WWOX: variants seen among roughly 807,000 people sequenced by gnomAD.
The protein encoded by WWOX is WW domain-containing oxidoreductase.
In WWOX, 69 loss-of-function variants were observed where a neutral mutation model predicts 46.2. The observed-to-expected ratio is 1.49, with a 90% CI of 1.23 to 1.82. WWOX has a LOEUF of 1.82. Ranked by LOEUF, WWOX falls within the 40% of genes most tolerant of loss-of-function variation. WWOX has a pLI of 0.00. For missense variants in WWOX, 919 were observed against 542.6 expected (o/e 1.69, Z -6.89); for synonymous variants, 359 against 202.6 (o/e 1.77, Z -6.56).
intron 8 of WWOX, among the ~76,000 whole-genome samples, chr16:79,012,720 G>A (rs115936887): frequency 1.2e-3 from 184 of 152,314 alleles, no homozygotes; most frequent in African/African-American, 4.3e-3. Context: ...CACAAAGCAG[G>A]ACGTATACGT....
At chr16:78,789,544 T>C (rs1597612791) in intron 8 of WWOX, among the ~76,000 whole-genome samples, 1 of 152,212 alleles carries the variant, frequency 6.6e-6, no homozygotes, top group Admixed American at 6.5e-5. Context: ...TTGTTTTGGT[T>C]ACTGTACTCT....
At chr16:78,996,149 TA>T in intron 8 of WWOX, 7 of 888,118 alleles carry the variant, frequency 7.9e-6, no homozygotes, top group Non-Finnish European at 9.3e-6. Flanking sequence ...TTCTTTTTTT[TA>T]ATTTTTTTTT....
intron 8 of WWOX, among the ~76,000 whole-genome samples, chr16:78,474,000 A>G (rs2084297082): frequency 6.6e-6 from 1 of 152,180 alleles, no homozygotes; most frequent in Non-Finnish European, 1.5e-5. Context: ...TCATAAAGTT[A>G]CCTATCAGGA....
chr16:78,939,729 T>C (rs943462650), intron 8 of WWOX, among the ~76,000 whole-genome samples: 1 of 152,122 alleles, frequency 6.6e-6, no homozygotes, highest in South Asian at 2.1e-4. Flanking sequence ...CTGGGAAAAA[T>C]CCCCATTTCT....
chr16:79,024,803 C>T lies in WWOX; in HGVS notation c.1057-186805C>T, dbSNP rs145848447. On this transcript the variant is annotated intron_variant, in intron 8 of 8. Coordinates refer to ENST00000566780, the MANE Select transcript of WWOX (RefSeq NM_016373.4). ...TCCAAGCTGATCTCAAAATCCTGGC[C>T]TCAAGCAATCCTCTCCTCTGCCTCA... Among the ~76,000 whole-genome samples the T allele has an allele frequency of 1.2e-4, 19 of 152,252 alleles. No individual in the cohort carries two copies. In the East Asian group the frequency reaches 3.7e-3, roughly 29 times the overall value.
intron 8 of WWOX, among the ~76,000 whole-genome samples, chr16:78,916,840 C>G (rs138348267): frequency 0.012 from 1,900 of 152,270 alleles, 36 homozygotes; most frequent in African/African-American, 0.044. Flanking sequence ...GTGTTAAACC[C>G]TTTCGATAGC....
At chr16:78,883,144 T>C (rs1407786097) in intron 8 of WWOX, among the ~76,000 whole-genome samples, 1 of 152,182 alleles carries the variant, frequency 6.6e-6, no homozygotes, top group Non-Finnish European at 1.5e-5. Context: ...CCACCACACA[T>C]GCCTAGGCAC....
chr16:78,674,379 A>G (rs1238351999), intron 8 of WWOX, among the ~76,000 whole-genome samples: 1 of 151,412 alleles, frequency 6.6e-6, no homozygotes, highest in African/African-American at 2.4e-5. Flanking sequence ...CTCCCTTCCA[A>G]GTTCAAGCAA....
intron 8 of WWOX, among the ~76,000 whole-genome samples, chr16:78,533,804 C>G (rs372089657): frequency 6.6e-6 from 1 of 152,296 alleles, no homozygotes; most frequent in East Asian, 1.9e-4. Flanking sequence ...GTCCTCAGAA[C>G]TCGCTGGTTC....
chr16:78,817,678 T>G (rs898097557), intron 8 of WWOX, among the ~76,000 whole-genome samples: 5 of 152,154 alleles, frequency 3.3e-5, no homozygotes, highest in African/African-American at 9.7e-5. Flanking sequence ...AGTCTTTGTG[T>G]GGTGGCAAAC....
At chr16:78,989,149 T>C (rs1164973932) in intron 8 of WWOX, among the ~76,000 whole-genome samples, 1 of 152,184 alleles carries the variant, frequency 6.6e-6, no homozygotes, top group African/African-American at 2.4e-5. Flanking sequence ...CTGAAGATGC[T>C]GAACCCTTAT....
chr16:78,743,212 T>A (rs995615648), intron 8 of WWOX, among the ~76,000 whole-genome samples: 2 of 152,140 alleles, frequency 1.3e-5, no homozygotes, highest in African/African-American at 4.8e-5. Context: ...CTTTCTGCAC[T>A]GGAGAGCAAA....
At chr16:78,563,259 A>G (rs542636234) in intron 8 of WWOX, among the ~76,000 whole-genome samples, 137 of 152,180 alleles carry the variant, frequency 9.0e-4, no homozygotes, top group African/African-American at 3.1e-3. Context: ...CTTTCAGTCT[A>G]TTTTCCTGTG....
intron 8 of WWOX, among the ~76,000 whole-genome samples, chr16:79,097,312 A>G (rs951110178): frequency 2.6e-4 from 39 of 151,358 alleles, no homozygotes; most frequent in Admixed American, 6.6e-4. Flanking sequence ...GCCATTCGCA[A>G]TCCAGCAGGA....
At chr16:78,387,439 C>T (rs571145121) in intron 6 of WWOX, among the ~76,000 whole-genome samples, 65 of 150,924 alleles carry the variant, frequency 4.3e-4, no homozygotes, top group East Asian at 2.1e-3. Flanking sequence ...ACTCACATTC[C>T]TTTTATTTAT....
chr16:78,162,008 C>T (rs1597289251), intron 4 of WWOX, among the ~76,000 whole-genome samples: 1 of 152,092 alleles, frequency 6.6e-6, no homozygotes, highest in East Asian at 1.9e-4. Context: ...CTTAACATGT[C>T]GTTACCCTTT....
chr16:78,478,052 C>G (rs1043835617), intron 8 of WWOX, among the ~76,000 whole-genome samples: 1 of 151,980 alleles, frequency 6.6e-6, no homozygotes, highest in African/African-American at 2.4e-5. Context: ...AAGAAATATT[C>G]GTAATCAATA....
intron 8 of WWOX, among the ~76,000 whole-genome samples, chr16:78,662,700 C>T (rs1419041853): frequency 2.0e-5 from 3 of 152,170 alleles, no homozygotes; most frequent in Non-Finnish European, 4.4e-5. Context: ...GCATCTCTTG[C>T]AGGCTGTAAT....
chr16:78,721,174 G>A (rs886564328), intron 8 of WWOX, among the ~76,000 whole-genome samples: 2 of 152,144 alleles, frequency 1.3e-5, no homozygotes, highest in African/African-American at 4.8e-5. Flanking sequence ...CAATTGGCAA[G>A]TGCCATAAAT....
Sources: gnomAD v4.1 joint callset for allele counts (sites outside exome capture counted in the v4.1 genomes callset) on GRCh38, gnomAD v4.1.1 for gene constraint, MANE v1.5 for transcripts, NCBI Gene and HGNC (gene_info 2026-07-23, HGNC 2026-07-21) for gene names.